SPATA16: variants seen among roughly 807,000 people sequenced by gnomAD.
The protein encoded by SPATA16 is spermatogenesis-associated protein 16.
In SPATA16, 36 loss-of-function variants were observed where a neutral mutation model predicts 63.3. That is an observed-to-expected ratio of 0.57 (90% CI 0.44 to 0.75). The LOEUF (loss-of-function observed/expected upper bound fraction) is 0.75, where lower values mean the gene tolerates loss of function less well. Among genes scored for constraint, SPATA16 ranks in the 30% least tolerant of loss-of-function variants. The pLI is 0.00. For missense variants in SPATA16, 646 were observed against 679.3 expected (o/e 0.95, Z 0.54); for synonymous variants, 203 against 216.7 (o/e 0.94, Z 0.56).
intron 1 of SPATA16, among the ~76,000 whole-genome samples, chr3:173,134,558 A>G (rs1285893419): frequency 1.3e-5 from 2 of 152,090 alleles, no homozygotes; most frequent in Non-Finnish European, 2.9e-5. Flanking sequence ...CCTTTTGCAT[A>G]TCTGCTTCCT....
At chr3:173,037,829 C>T (rs145209712) in intron 3 of SPATA16, among the ~76,000 whole-genome samples, 1 of 151,944 alleles carries the variant, frequency 6.6e-6, no homozygotes, top group African/African-American at 2.4e-5. Flanking sequence ...GTCATAGCAA[C>T]AGAAAAGAAA....
chr3:173,051,813 C>CT (rs11367724), intron 2 of SPATA16, among the ~76,000 whole-genome samples: 26 of 148,362 alleles, frequency 1.8e-4, no homozygotes, highest in East Asian at 4.0e-4. Flanking sequence ...TTTAGGCACA[C>CT]TTTTTTTTTT....
intron 3 of SPATA16, among the ~76,000 whole-genome samples, chr3:173,046,745 A>G (rs1735963329): frequency 6.6e-6 from 1 of 152,032 alleles, no homozygotes; most frequent in Non-Finnish European, 1.5e-5. Flanking sequence ...TTTATCAAAT[A>G]CATTTGTTGA....
intron 6 of SPATA16, among the ~76,000 whole-genome samples, chr3:172,945,888 A>G (rs10222642): frequency 0.087 from 13,288 of 152,178 alleles, 1,935 homozygotes; most frequent in African/African-American, 0.3. Context: ...GGTACATGAC[A>G]CTAGGGAGAC....
intron 1 of SPATA16, among the ~76,000 whole-genome samples, chr3:173,135,617 C>T (rs756108277): frequency 6.0e-4 from 92 of 152,264 alleles, no homozygotes; most frequent in Middle Eastern, 3.4e-3. Context: ...AATAAAGGAA[C>T]TACAACTACA....
In SPATA16 at chr3:173,028,004, TCCCTC is replaced by T. The variant is rs1560100896; in HGVS notation, c.759-8434_759-8430del. Among the ~76,000 whole-genome samples, 44 of 25,202 alleles carry T rather than the reference TCCCTC, an allele frequency of 1.7e-3. 1 individual carries two copies. Among genetic ancestry groups the T allele is most frequent in the African/African-American group, 7.9e-3 (42 of 5,294 alleles). 16.5% of individuals were successfully genotyped at this position (25,202 alleles called of 152,430 possible). On this transcript the variant is annotated intron_variant, in intron 3 of 10. Transcript: ENST00000351008. ...CTCCCTCCCTCCCTCCCTCCCTCCC[TCCCTC>T]CCTCCCTTCCTTCTTTCCTTCCTTC...
chr3:173,135,146 A>G (rs1738506401), intron 1 of SPATA16, among the ~76,000 whole-genome samples: 2 of 152,222 alleles, frequency 1.3e-5, no homozygotes, highest in Admixed American at 1.3e-4. Context: ...AAGTGGGCTA[A>G]ACGTTTTAAT....
At chr3:172,902,317 C>T (rs1355133958) in intron 10 of SPATA16, among the ~76,000 whole-genome samples, 1 of 152,180 alleles carries the variant, frequency 6.6e-6, no homozygotes. Context: ...GCTGGGATAA[C>T]AGGCATGAGC....
chr3:173,049,584 C>A (rs1208671118), intron 2 of SPATA16, among the ~76,000 whole-genome samples: 2 of 152,036 alleles, frequency 1.3e-5, no homozygotes, highest in Non-Finnish European at 2.9e-5. Flanking sequence ...AAGTAAACTC[C>A]TAGGAGCCAT....
intron 4 of SPATA16, among the ~76,000 whole-genome samples, chr3:173,005,968 A>G (rs1734935837): frequency 6.6e-6 from 1 of 152,180 alleles, no homozygotes. Context: ...TAAATCCTTA[A>G]AAGAGAAGAG....
intron 2 of SPATA16, among the ~76,000 whole-genome samples, chr3:173,081,528 GA>G (rs1428105369): frequency 6.6e-6 from 1 of 152,150 alleles, no homozygotes; most frequent in Admixed American, 6.6e-5. Flanking sequence ...AATCGTTAAA[GA>G]GGAGAGTTTG....
chr3:173,091,660 A>G (rs188503022), intron 2 of SPATA16, among the ~76,000 whole-genome samples: 1 of 152,306 alleles, frequency 6.6e-6, no homozygotes, highest in African/African-American at 2.4e-5. Context: ...AAAAATGTTT[A>G]AATGAAATGT....
chr3:172,995,151 A>G (rs1307523212), intron 4 of SPATA16, among the ~76,000 whole-genome samples: 1 of 152,028 alleles, frequency 6.6e-6, no homozygotes, highest in Non-Finnish European at 1.5e-5. Context: ...AGGGGATAGA[A>G]CCTTTGGAAA....
chr3:173,109,099 A>G (rs193272518), intron 2 of SPATA16, among the ~76,000 whole-genome samples: 17 of 152,300 alleles, frequency 1.1e-4, no homozygotes, highest in African/African-American at 4.1e-4. Flanking sequence ...TTATTTATTG[A>G]AAATTCTCCT....
intron 4 of SPATA16, among the ~76,000 whole-genome samples, chr3:173,008,762 A>G (rs939900944): frequency 8.5e-5 from 13 of 152,158 alleles, no homozygotes; most frequent in African/African-American, 2.7e-4. Flanking sequence ...AATAGAATAT[A>G]TTAAAGAACA....
intron 4 of SPATA16, among the ~76,000 whole-genome samples, chr3:172,983,407 A>G (rs907262288): frequency 6.6e-6 from 1 of 151,270 alleles, no homozygotes; most frequent in Admixed American, 6.6e-5. Flanking sequence ...TCCTTCTACA[A>G]TTGGAAAATG....
chr3:173,130,264 G>A (rs935465787), intron 1 of SPATA16, among the ~76,000 whole-genome samples: 2 of 150,280 alleles, frequency 1.3e-5, no homozygotes, highest in East Asian at 2.0e-4. Context: ...GGAGGCTGAG[G>A]CAGGAGAATC....
chr3:172,996,795 C>T (rs1734702527), intron 4 of SPATA16, among the ~76,000 whole-genome samples: 1 of 152,104 alleles, frequency 6.6e-6, no homozygotes, highest in African/African-American at 2.4e-5. Flanking sequence ...CTGTCTTTGC[C>T]TACTCATCCC....
At chr3:173,005,523 C>T (rs148897292) in intron 4 of SPATA16, among the ~76,000 whole-genome samples, 1 of 152,060 alleles carries the variant, frequency 6.6e-6, no homozygotes, top group African/African-American at 2.4e-5. Flanking sequence ...TTTCTTTGTA[C>T]TCTGCCACAA....
Sources: allele counts gnomAD v4.1 joint callset (sites outside exome capture counted in the v4.1 genomes callset), GRCh38; gene constraint gnomAD v4.1.1; transcripts MANE v1.5; gene names NCBI Gene and HGNC (gene_info 2026-07-23, HGNC 2026-07-21).